Variants in SAP30 observed in about 807,000 individuals in gnomAD.
SAP30 encodes histone deacetylase complex subunit SAP30.
Under a neutral mutation model 19.6 loss-of-function variants are expected in SAP30, and 13 were observed. The observed-to-expected ratio is 0.66, with a 90% confidence interval of 0.43 to 1.05. The LOEUF (loss-of-function observed/expected upper bound fraction) is 1.05. Ranked by LOEUF, SAP30 falls within the 50% of genes least tolerant of loss-of-function variation. The probability of loss-of-function intolerance (pLI) is 0.00; values close to 1 mark genes in which losing one functional copy is unlikely to be tolerated. For synonymous variants in SAP30, 108 were observed against 122.7 expected (o/e 0.88, Z 0.79); for missense variants, 257 against 292.1 (o/e 0.88, Z 0.88).
intron 3 of SAP30, 61 bp from the exon 4 acceptor site, chr4:173,377,144 G>T: frequency 1.6e-6 from 2 of 1,270,420 alleles, no homozygotes; most frequent in South Asian, 1.5e-5. Context: ...TATTTTTTAC[G>T]TAGTTTATGA....
chr4:173,375,008 A>G (rs943252066), intron 3 of SAP30, among the ~76,000 whole-genome samples: 1 of 125,960 alleles, frequency 7.9e-6, no homozygotes, highest in African/African-American at 2.8e-5. Context: ...TGTGCATCTT[A>G]TTAAGATGTT....
intron 3 of SAP30, among the ~76,000 whole-genome samples, chr4:173,376,216 T>A (rs1445816299): frequency 6.6e-6 from 1 of 152,210 alleles, no homozygotes; most frequent in Non-Finnish European, 1.5e-5. Flanking sequence ...CAGGTAAGTC[T>A]ATTATTCTTC....
At chr4:173,374,507 C>G (rs565412183) in intron 3 of SAP30, among the ~76,000 whole-genome samples, 2 of 152,234 alleles carry the variant, frequency 1.3e-5, no homozygotes, top group East Asian at 3.9e-4. Flanking sequence ...TTTCAAACTC[C>G]TGACTTCAAG....
chr4:173,374,439 C>G (rs1578951815), intron 3 of SAP30, among the ~76,000 whole-genome samples: 1 of 152,088 alleles, frequency 6.6e-6, no homozygotes, highest in Admixed American at 6.5e-5. Flanking sequence ...CCACACCAGG[C>G]TAATTTTTGT....
intron 2 of SAP30, 58 bp from the exon 3 acceptor site, chr4:173,373,881 C>A (rs922836639): frequency 5.5e-5 from 44 of 806,826 alleles, no homozygotes; most frequent in Non-Finnish European, 7.8e-5. Context: ...TTATACATAT[C>A]AATGATAAAT....
intron 3 of SAP30, 95 bp from the exon 4 acceptor site, chr4:173,377,110 G>A: frequency 1.2e-6 from 1 of 816,494 alleles, no homozygotes; most frequent in Non-Finnish European, 1.9e-6. Flanking sequence ...TTATCACATA[G>A]CACTTTTTCT....
rs762918533 is a variant in SAP30 at position 173,371,416 on chromosome 4, G to A, written c.234G>A (p.Arg78=). The A allele has an allele frequency of 8.2e-6, 13 of 1,591,134 alleles. No individual in the cohort carries two copies. The South Asian group carries it at 1.1e-4, about 13-fold the overall frequency. The change falls in exon 1 of 4, where the codon CGG becomes CGA. Residue 78 remains arginine, a synonymous_variant. Transcript: ENST00000296504. The surrounding 1 kb of genome is among the most constrained non-coding windows in gnomAD (Gnocchi z 6.4). ...CLREDGERCG[R]AAGNASFSKR... is the part of the protein sequence containing the mutation. ...GGGAGGATGGTGAGCGGTGCGGCCG[G>A]GCGGCAGGCAACGCCAGCTTCAGCA... is the stretch of plus-strand genomic sequence containing the variant.
chr4:173,375,049 A>C (rs1186382251), intron 3 of SAP30, among the ~76,000 whole-genome samples: 1 of 149,464 alleles, frequency 6.7e-6, no homozygotes, highest in African/African-American at 2.4e-5. Context: ...TTTTAATCAT[A>C]TTTAAAATAA....
rs1450601654 is a variant in SAP30, at chr4:173,373,481, G to C, written c.407G>C (p.Gly136Ala). ...RKRKGSDDDGGDSPVQDIDTP... is the reference protein window; with the variant it reads ...RKRKGSDDDGADSPVQDIDTP... ...AGAAAAGGGAGTGATGATGATGGAGGTGATTCACCTGTTCAAGATATTGAT... is the reference window on the plus strand; with the variant it reads ...AGAAAAGGGAGTGATGATGATGGAGCTGATTCACCTGTTCAAGATATTGAT... The change falls in exon 2 of 4, where the codon GGT becomes GCT. Residue 136 changes from glycine (G) to alanine (A), a missense_variant. By Grantham distance (60) the Gly-to-Ala change is moderately conservative. Coordinates refer to ENST00000296504, the MANE Select transcript of SAP30 (RefSeq NM_003864.4). 9 of 1,611,886 alleles carry C rather than the reference G, an allele frequency of 5.6e-6. No individual in the cohort carries two copies. The highest frequency in any genetic ancestry group is 7.6e-6 in the Non-Finnish European group (9 of 1,178,928).
rs1193942580 is a variant in SAP30, at chr4:173,371,376, A to G, written c.194A>G (p.Gln65Arg). The G allele has an allele frequency of 6.5e-7, 1 of 1,549,594 alleles. No individual in the cohort carries two copies. Among genetic ancestry groups the G allele is most frequent in the East Asian group, 2.6e-5 (1 of 38,304 alleles). The change falls in exon 1 of 4, where the codon CAA (glutamine) becomes CGA (arginine). Residue 65 changes from glutamine (Q) to arginine (R), a missense_variant. Physicochemically the swap from Gln to Arg is conservative, Grantham distance 43 (BLOSUM62 1). Coordinates refer to ENST00000296504, the MANE Select transcript of SAP30 (RefSeq NM_003864.4). This position sits in a 1 kb window ranked among gnomAD's most constrained non-coding sequence, Gnocchi z 6.4. ...PPGAAGPGPG[Q>R]LCCLREDGER... The stretch of plus-strand genomic sequence containing the variant: ...GGGGCGGCCGGGCCGGGCCCCGGGC[A>G]ACTGTGCTGCCTGCGGGAGGATGGT...
chr4:173,377,284 A>T lies in SAP30; in HGVS notation c.620A>T (p.Asp207Val). The change falls in exon 4 of 4, where the codon GAC (aspartate) becomes GTC (valine). Residue 207 changes from aspartate (D) to valine (V), a missense_variant. By Grantham distance (152) the Asp-to-Val change is radical. Coordinates refer to ENST00000296504, the MANE Select transcript of SAP30 (RefSeq NM_003864.4). ...TATTTCATCTACTCAGTGAAGAATG[A>T]CAAGAACAAATCAGATCTCAAGGTT... ...LTYFIYSVKNDKNKSDLKVDS... is the reference protein window; with the variant it reads ...LTYFIYSVKNVKNKSDLKVDS... 6.2e-7 allele frequency: 1 copy of T among 1,609,946 alleles called. No homozygotes were observed. Among genetic ancestry groups the T allele is most frequent in the South Asian group, 1.1e-5 (1 of 90,448 alleles).
intron 3 of SAP30, among the ~76,000 whole-genome samples, chr4:173,375,809 G>A (rs867164798): frequency 3.3e-5 from 5 of 152,302 alleles, no homozygotes; most frequent in South Asian, 2.1e-4. Context: ...TGTTAGGAAC[G>A]GGTCCGCAGA....
In SAP30 at chr4:173,373,455, G is replaced by GAGAAA; in HGVS notation, c.384_388dup (p.Gly130GlufsTer28). 6.2e-7 allele frequency: 1 copy of GAGAAA among 1,613,150 alleles called. No individual in the cohort carries two copies. Among genetic ancestry groups the GAGAAA allele is most frequent in the Non-Finnish European group, 8.5e-7 (1 of 1,179,554 alleles). On this transcript the variant is annotated frameshift_variant, in exon 2 of 4. Coordinates refer to ENST00000296504, the MANE Select transcript of SAP30 (RefSeq NM_003864.4). LOFTEE classifies it high-confidence loss of function. ...TTCAGAGTGTTCGAAACAGAAGAAA[G>GAGAAA]AGAAAAGGGAGTGATGATGATGGAG...
chr4:173,375,767 C>G (rs1739024259), intron 3 of SAP30, among the ~76,000 whole-genome samples: 1 of 152,136 alleles, frequency 6.6e-6, no homozygotes, highest in South Asian at 2.1e-4. Flanking sequence ...GTCCCCAACC[C>G]CAGGGCCATG....
rs769558498 is a variant in SAP30 at position 173,371,227 on chromosome 4, GGCCGCCGCAGTGGCCGCAGTGGTC to G, written c.48_71del (p.Val19_Ala26del). The G allele has an allele frequency of 1.4e-6, 2 of 1,461,368 alleles. No homozygotes were observed. Among genetic ancestry groups the G allele is most frequent in the East Asian group, 2.9e-5 (1 of 33,978 alleles). 90.5% of individuals were successfully genotyped at this position (1,461,368 alleles called of 1,614,324 possible). ...ACGAGATGAGCCGCGGCGGGGATGC[GGCCGCCGCAGTGGCCGCAGTGGTC>G]GCTGCCGCGGCCGCCGCCGCCTCGG... On this transcript the variant is annotated inframe_deletion, in exon 1 of 4. Coordinates refer to ENST00000296504, the MANE Select transcript of SAP30 (RefSeq NM_003864.4). The surrounding 1 kb of genome is among the most constrained non-coding windows in gnomAD (Gnocchi z 6.4).
At chr4:173,374,890 G>C (rs1349359869) in intron 3 of SAP30, among the ~76,000 whole-genome samples, 1 of 151,766 alleles carries the variant, frequency 6.6e-6, no homozygotes, top group Non-Finnish European at 1.5e-5. Flanking sequence ...TTTTACCCAA[G>C]CTTTTACTTG....
intron 3 of SAP30, among the ~76,000 whole-genome samples, chr4:173,374,659 C>T (rs973664975): frequency 1.3e-5 from 2 of 152,176 alleles, no homozygotes; most frequent in African/African-American, 2.4e-5. Context: ...AACCAGTAAA[C>T]ATTTGAGCAC....
chr4:173,376,951 A>C (rs1739052500), intron 3 of SAP30, among the ~76,000 whole-genome samples: 5 of 152,196 alleles, frequency 3.3e-5, no homozygotes. Flanking sequence ...AAATAAAAGG[A>C]AAATATATTT....
rs1452210323 is a variant in SAP30, at chr4:173,377,253, T to C, written c.589T>C (p.Leu197=). The stretch of plus-strand genomic sequence containing the variant: ...TATTCCAGTGAATGAAAAAGACACC[T>C]TAACATATTTCATCTACTCAGTGAA... The part of the protein sequence containing the change: ...RSIPVNEKDT[L]TYFIYSVKND... The change falls in exon 4 of 4, where the codon TTA becomes CTA. Residue 197 remains leucine (L), a synonymous_variant. Transcript: ENST00000296504. The C allele has an allele frequency of 6.2e-7, 1 of 1,608,986 alleles. No individual in the cohort carries two copies. The highest frequency in any genetic ancestry group is 1.1e-5 in the South Asian group (1 of 90,400).
Sources: allele counts gnomAD v4.1 joint callset (sites outside exome capture counted in the v4.1 genomes callset), GRCh38; gene constraint gnomAD v4.1.1; non-coding constraint Gnocchi (gnomAD v3.1); transcripts MANE v1.5; gene names NCBI Gene and HGNC (gene_info 2026-07-23, HGNC 2026-07-21).